The following MTCL1 variants were observed in gnomAD, a reference collection of about 807,000 sequenced individuals.
MTCL1 encodes microtubule crosslinking factor 1.
A neutral mutation model predicts 141.4 loss-of-function variants in MTCL1; 79 were observed. The ratio of observed to expected loss-of-function variants is 0.56; its 90% CI spans 0.47 to 0.67. The LOEUF (loss-of-function observed/expected upper bound fraction) is 0.67. Among genes scored for constraint, MTCL1 ranks in the 30% least tolerant of loss-of-function variants. The pLI, the probability that MTCL1 is intolerant of heterozygous loss-of-function variation, is 0.00. For missense variants in MTCL1, 2,177 were observed against 2,113.9 expected (o/e 1.03, Z -0.59); for synonymous variants, 914 against 875.8 (o/e 1.04, Z -0.77).
At chr18:8,784,179 A>G (rs1040524694) in exon 6 of MTCL1, 1 of 1,613,774 alleles carries the variant, frequency 6.2e-7, no homozygotes, top group African/African-American at 1.3e-5. Context: ...CTCAAACTGC[A>G]GCACGAGAAC....
chr18:8,728,150 G>T (rs1048372073), intron 4 of MTCL1, among the ~76,000 whole-genome samples: 1 of 151,944 alleles, frequency 6.6e-6, no homozygotes, highest in Non-Finnish European at 1.5e-5. Context: ...TTTTTAAAAT[G>T]ACCTTTTAAA....
At chr18:8,804,698 T>A (rs1285330057) in intron 10 of MTCL1, among the ~76,000 whole-genome samples, 1 of 152,146 alleles carries the variant, frequency 6.6e-6, no homozygotes, top group Non-Finnish European at 1.5e-5. Context: ...TTCTACTCCA[T>A]CAAAAGTCCA....
At chr18:8,786,068 G>A in exon 7 of MTCL1, 1 of 1,584,430 alleles carries the variant, frequency 6.3e-7, no homozygotes, top group South Asian at 1.1e-5. Context: ...CGGGCTGGGA[G>A]GCCAGACCTG....
At position 8,828,296 on chromosome 18, in the gene MTCL1, C is replaced by T. The variant is rs1247094149; in HGVS notation, c.4723-612C>T. On this transcript the variant is annotated intron_variant, in intron 15 of 16. Transcript: ENST00000359865. This position sits in a 1 kb window ranked among gnomAD's most constrained non-coding sequence, Gnocchi z 5.2. Reference sequence around the variant, plus strand: ...CAGGTGACAAGAAATCTCCCTTTCTCACTGCACTGTCATCCCATAAGCCAC... The same window carrying T: ...CAGGTGACAAGAAATCTCCCTTTCTTACTGCACTGTCATCCCATAAGCCAC... Among the ~76,000 whole-genome samples the T allele has an allele frequency of 1.3e-5, 2 of 152,220 alleles. No individual in the cohort carries two copies. The highest frequency in any genetic ancestry group is 4.8e-5 in the African/African-American group (2 of 41,454).
chr18:8,809,708 G>A lies in MTCL1; in HGVS notation c.2604+2648G>A, dbSNP rs16954249. ...GGAGCAACAGGCACCTCGCACGGCT[G>A]TCAGGTTTCTAGTACGGGTGCCTGG... On this transcript the variant is annotated intron_variant, in intron 11 of 16. Transcript: ENST00000359865. 5.5e-3 allele frequency: 7,079 copies of A among 1,287,196 alleles called. 313 individuals carry two copies. The African/African-American group carries it at 0.089, about 16-fold the overall frequency. 79.7% of individuals were successfully genotyped at this position (1,287,196 alleles called of 1,614,324 possible).
chr18:8,783,866 G>C, exon 6 of MTCL1: 3 of 1,613,104 alleles, frequency 1.9e-6, no homozygotes, highest in African/African-American at 1.3e-5. Flanking sequence ...GGAGGGCCCG[G>C]GTCGGGACCA....
At chr18:8,706,202 C>T in exon 1 of MTCL1, 1 of 1,226,430 alleles carries the variant, frequency 8.2e-7, no homozygotes, top group Non-Finnish European at 1.0e-6. Flanking sequence ...ACCCCGGCCG[C>T]CCGGATCCCT....
At chr18:8,754,260 G>A (rs2096386355) in intron 4 of MTCL1, among the ~76,000 whole-genome samples, 1 of 152,088 alleles carries the variant, frequency 6.6e-6, no homozygotes, top group Non-Finnish European at 1.5e-5. Context: ...TAATAGAGAC[G>A]GGGTTTCACC....
chr18:8,762,667 AG>A (rs2096438574), intron 4 of MTCL1, among the ~76,000 whole-genome samples: 1 of 152,212 alleles, frequency 6.6e-6, no homozygotes, highest in Non-Finnish European at 1.5e-5. Context: ...GAACCCCCAC[AG>A]GGGTGGCAAC....
chr18:8,755,762 G>A (rs1272391546), intron 4 of MTCL1, among the ~76,000 whole-genome samples: 1 of 152,232 alleles, frequency 6.6e-6, no homozygotes, highest in East Asian at 1.9e-4. Context: ...GGAGGAGGAT[G>A]TGGTTTTGGA....
At chr18:8,799,744 A>G (rs879428772) in intron 10 of MTCL1, among the ~76,000 whole-genome samples, 67 of 152,248 alleles carry the variant, frequency 4.4e-4, no homozygotes, top group Admixed American at 2.0e-3. Context: ...GCATTCACGC[A>G]GATGCTCTGG....
intron 7 of MTCL1, 88 bp from the exon 7 acceptor site, chr18:8,792,910 C>G: frequency 6.4e-7 from 1 of 1,553,082 alleles, no homozygotes; most frequent in African/African-American, 1.4e-5. Flanking sequence ...CGTGTGCGTC[C>G]CCAGCTTGTG....
chr18:8,765,534 A>G (rs1408545186), intron 4 of MTCL1, among the ~76,000 whole-genome samples: 1 of 152,184 alleles, frequency 6.6e-6, no homozygotes, highest in African/African-American at 2.4e-5. Context: ...GCACACCTCC[A>G]TCTTCTCCTG....
chr18:8,793,087 G>GGA lies in MTCL1; in HGVS notation c.1980_1981dup (p.Thr661ArgfsTer20). The GGA allele has an allele frequency of 6.2e-7, 1 of 1,614,124 alleles. No homozygotes were observed. Among genetic ancestry groups the GGA allele is most frequent in the Non-Finnish European group, 8.5e-7 (1 of 1,180,012 alleles). The stretch of plus-strand genomic sequence containing the variant: ...TGCAGGCGGCCAGACTGCATCAAGA[G>GGA]GAGACAGAGACATTTACAAACAAGA... On this transcript the variant is annotated frameshift_variant, in exon 8 of 17. Coordinates refer to ENST00000359865, the Ensembl canonical transcript of MTCL1. LOFTEE classifies it high-confidence loss of function.
exon 8 of MTCL1, chr18:8,793,059 T>A (rs2075790963): frequency 6.2e-7 from 1 of 1,614,056 alleles, no homozygotes; most frequent in Admixed American, 1.7e-5. Flanking sequence ...CAGGGTCAGC[T>A]CGTGCAGGCG....
intron 4 of MTCL1, among the ~76,000 whole-genome samples, chr18:8,748,682 A>T (rs11660218): frequency 0.05 from 7,642 of 151,636 alleles, 260 homozygotes; most frequent in East Asian, 0.12. Flanking sequence ...AATTCTGAAG[A>T]CTCTACATGT....
intron 7 of MTCL1, among the ~76,000 whole-genome samples, chr18:8,790,401 G>C (rs1372919619): frequency 6.6e-6 from 1 of 152,190 alleles, no homozygotes; most frequent in Non-Finnish European, 1.5e-5. Context: ...AGCACCTAAT[G>C]CATTAAATAA....
intron 1 of MTCL1, among the ~76,000 whole-genome samples, chr18:8,709,306 C>T (rs1210613127): frequency 2.0e-5 from 3 of 151,932 alleles, no homozygotes; most frequent in Non-Finnish European, 2.9e-5. Context: ...GATCTTCCTG[C>T]CTCATCCTGA....
chr18:8,764,381 A>G (rs1152082), intron 4 of MTCL1, among the ~76,000 whole-genome samples: 2 of 151,294 alleles, frequency 1.3e-5, no homozygotes, highest in African/African-American at 4.9e-5. Context: ...GCGGTGGTGC[A>G]ATCTTGGCTC....
Sources: allele counts gnomAD v4.1 joint callset (sites outside exome capture counted in the v4.1 genomes callset), GRCh38; gene constraint gnomAD v4.1.1; non-coding constraint Gnocchi (gnomAD v3.1); transcripts MANE v1.5; gene names NCBI Gene and HGNC (gene_info 2026-07-23, HGNC 2026-07-21).